The following SLC25A26 variants were observed in gnomAD, a reference collection of about 807,000 sequenced individuals.
SLC25A26 encodes solute carrier family 25 member 26.
A neutral mutation model predicts 37.8 loss-of-function variants in SLC25A26; 36 were observed. The ratio of observed to expected loss-of-function variants is 0.95; its 90% CI spans 0.73 to 1.26. The LOEUF is 1.26. Ranked by LOEUF, SLC25A26 falls within the 50% of genes most tolerant of loss-of-function variation. SLC25A26 has a pLI of 0.00. For missense variants in SLC25A26, 390 were observed against 331.1 expected, an observed-to-expected ratio of 1.18 and a Z score of -1.38; for synonymous variants, 129 against 122.5, an observed-to-expected ratio of 1.05 and a Z score of -0.35.
chr3:66,230,914 C>T (rs994763171), intron 1 of SLC25A26, among the ~76,000 whole-genome samples: 1 of 151,880 alleles, frequency 6.6e-6, no homozygotes, highest in African/African-American at 2.4e-5. Context: ...GTGGCTTATG[C>T]CTGTAATCCC....
At chr3:66,375,929 G>C (rs776168955) in intron 9 of SLC25A26, among the ~76,000 whole-genome samples, 2 of 151,682 alleles carry the variant, frequency 1.3e-5, no homozygotes, top group Non-Finnish European at 2.9e-5. Flanking sequence ...CTAGAAAGGA[G>C]TCACCATTCT....
At chr3:66,167,422 G>C (rs1234764253) in intron 1 of SLC25A26, among the ~76,000 whole-genome samples, 6 of 152,086 alleles carry the variant, frequency 3.9e-5, no homozygotes, top group Admixed American at 2.0e-4. Flanking sequence ...GAATGAGAGA[G>C]AATAGTAAGA....
At chr3:66,225,213 G>C (rs1213315696) in intron 1 of SLC25A26, among the ~76,000 whole-genome samples, 3 of 152,158 alleles carry the variant, frequency 2.0e-5, no homozygotes, top group Non-Finnish European at 4.4e-5. Context: ...CTCTAGGAGA[G>C]CCCCACCCCT....
At chr3:66,298,232 G>A (rs1374941473) in intron 5 of SLC25A26, among the ~76,000 whole-genome samples, 1 of 152,168 alleles carries the variant, frequency 6.6e-6, no homozygotes, top group Non-Finnish European at 1.5e-5. Flanking sequence ...TTGAAAAAAA[G>A]AAGAGCTTAA....
intron 5 of SLC25A26, among the ~76,000 whole-genome samples, chr3:66,343,627 A>G (rs186421443): frequency 3.8e-4 from 58 of 152,354 alleles, no homozygotes; most frequent in African/African-American, 1.3e-3. Context: ...GTACCAAGTA[A>G]GAGCAGATAA....
At chr3:66,315,449 T>G (rs1383803804) in intron 5 of SLC25A26, among the ~76,000 whole-genome samples, 1 of 152,212 alleles carries the variant, frequency 6.6e-6, no homozygotes, top group Non-Finnish European at 1.5e-5. Context: ...TTTCTTCATC[T>G]TAAGTTCTGA....
chr3:66,324,256 G>A (rs183174589), intron 5 of SLC25A26: 1 of 151,968 alleles, frequency 6.6e-6, no homozygotes, highest in Non-Finnish European at 1.5e-5. Context: ...GCTAGGGAAT[G>A]GGGAATGCTG....
At chr3:66,377,618 A>C in intron 9 of SLC25A26, 72 bp from the exon 10 acceptor site, 1 of 1,215,222 alleles carries the variant, frequency 8.2e-7, no homozygotes, top group Non-Finnish European at 1.2e-6. Context: ...TGAGCTGAGC[A>C]AGCTGTGGGT....
intron 1 of SLC25A26, among the ~76,000 whole-genome samples, chr3:66,193,759 G>C (rs1404268001): frequency 6.6e-6 from 1 of 152,100 alleles, no homozygotes; most frequent in Non-Finnish European, 1.5e-5. Flanking sequence ...TCATTGAAAA[G>C]ACAAGACCTA....
At chr3:66,367,516 C>G (rs2076848737) in intron 7 of SLC25A26, among the ~76,000 whole-genome samples, 1 of 152,142 alleles carries the variant, frequency 6.6e-6, no homozygotes, top group African/African-American at 2.4e-5. Flanking sequence ...GTTGGTCTTT[C>G]CAACTCCAAA....
intron 1 of SLC25A26, among the ~76,000 whole-genome samples, chr3:66,162,708 C>T (rs923810805): frequency 4.7e-4 from 72 of 152,270 alleles, no homozygotes; most frequent in African/African-American, 1.6e-3. Context: ...CACTGCTGGG[C>T]GCATGAATGC....
At chr3:66,234,014 C>T (rs1274976793) in intron 1 of SLC25A26, among the ~76,000 whole-genome samples, 5 of 152,096 alleles carry the variant, frequency 3.3e-5, no homozygotes, top group African/African-American at 9.7e-5. Context: ...TCTAGTCGCA[C>T]GAGACATTTT....
At chr3:66,171,630 C>T (rs1021060680) in intron 1 of SLC25A26, among the ~76,000 whole-genome samples, 11 of 152,132 alleles carry the variant, frequency 7.2e-5, no homozygotes, top group African/African-American at 2.7e-4. Context: ...GCTGGGACTA[C>T]AGGCACACAT....
intron 1 of SLC25A26, among the ~76,000 whole-genome samples, chr3:66,136,367 A>G (rs2069947083): frequency 6.6e-6 from 1 of 152,190 alleles, no homozygotes; most frequent in Non-Finnish European, 1.5e-5. Context: ...AAGATACACA[A>G]ATGGCCAGTT....
chr3:66,313,112 C>T (rs2075430230), intron 5 of SLC25A26, among the ~76,000 whole-genome samples: 1 of 152,146 alleles, frequency 6.6e-6, no homozygotes. Context: ...TTTTGCTGTG[C>T]AGAAGCTCTT....
chr3:66,167,850 G>A (rs2070445174), intron 1 of SLC25A26, among the ~76,000 whole-genome samples: 1 of 152,038 alleles, frequency 6.6e-6, no homozygotes, highest in Non-Finnish European at 1.5e-5. Flanking sequence ...TTCAATATGG[G>A]TTAAAAATAT....
chr3:66,211,821 T>A (rs2071287607), intron 1 of SLC25A26, among the ~76,000 whole-genome samples: 1 of 152,196 alleles, frequency 6.6e-6, no homozygotes. Context: ...AAATATAACA[T>A]AAAAATGACC....
intron 9 of SLC25A26, among the ~76,000 whole-genome samples, chr3:66,372,862 G>A (rs374258689): frequency 3.5e-4 from 53 of 152,112 alleles, no homozygotes; most frequent in African/African-American, 1.1e-3. Context: ...TCTCCTCCCC[G>A]GGGCGTGCAC....
At chr3:66,162,465 C>T (rs2106714560) in intron 1 of SLC25A26, among the ~76,000 whole-genome samples, 1 of 151,418 alleles carries the variant, frequency 6.6e-6, no homozygotes, top group South Asian at 2.1e-4. Flanking sequence ...TTCCAAAGCA[C>T]CCATGTATCA....
Sources: allele counts gnomAD v4.1 joint callset (sites outside exome capture counted in the v4.1 genomes callset), GRCh38; gene constraint gnomAD v4.1.1; transcripts MANE v1.5; gene names NCBI Gene and HGNC (gene_info 2026-07-23, HGNC 2026-07-21).